The following PPM1B variants were observed in gnomAD, a reference collection of about 807,000 sequenced individuals.
The protein encoded by PPM1B is protein phosphatase 1B.
A neutral mutation model predicts 43.0 loss-of-function variants in PPM1B; 22 were observed. The observed-to-expected ratio is 0.51, with a 90% CI of 0.37 to 0.73. PPM1B has a LOEUF of 0.73. Among genes scored for constraint, PPM1B ranks in the 30% least tolerant of loss-of-function variants. The pLI is 0.00. For missense variants in PPM1B, 632 were observed against 584.2 expected (o/e 1.08, Z -0.84); for synonymous variants, 217 against 197.9 (o/e 1.10, Z -0.81).
At chr2:44,238,008 C>G (rs1334995486), downstream of PPM1B, among the ~76,000 whole-genome samples, 1 of 152,202 alleles carries the variant, frequency 6.6e-6, no homozygotes, top group Non-Finnish European at 1.5e-5. Flanking sequence ...TCAAGCGATT[C>G]TTCTGCCTCA....
intron 1 of PPM1B, among the ~76,000 whole-genome samples, chr2:44,184,648 A>C (rs888932392): frequency 6.6e-6 from 1 of 152,066 alleles, no homozygotes; most frequent in Non-Finnish European, 1.5e-5. Flanking sequence ...CATGTTCAAA[A>C]CTGACTACTT....
At chr2:44,180,470 T>C (rs1180744000) in intron 1 of PPM1B, among the ~76,000 whole-genome samples, 1 of 152,208 alleles carries the variant, frequency 6.6e-6, no homozygotes, top group Non-Finnish European at 1.5e-5. Context: ...CAAGGACTGC[T>C]TGTACTTAGT....
downstream of PPM1B, chr2:44,244,527 TC>T: frequency 2.4e-6 from 1 of 420,434 alleles, no homozygotes. Flanking sequence ...TTGGTTTGAT[TC>T]CAGGGACTCT....
chr2:44,215,799 AT>A (rs899922157), intron 3 of PPM1B, among the ~76,000 whole-genome samples: 11 of 151,644 alleles, frequency 7.3e-5, no homozygotes, highest in South Asian at 2.1e-4. Flanking sequence ...GTAAAAACCT[AT>A]TTTTTTTTAA....
At chr2:44,204,288 T>C (rs1669067678) in intron 2 of PPM1B, among the ~76,000 whole-genome samples, 1 of 152,362 alleles carries the variant, frequency 6.6e-6, no homozygotes, top group East Asian at 1.9e-4. Flanking sequence ...AGATCAAATA[T>C]AATTACTTTG....
At chr2:44,204,756 G>A (rs1228467987) in intron 2 of PPM1B, among the ~76,000 whole-genome samples, 1 of 151,254 alleles carries the variant, frequency 6.6e-6, no homozygotes, top group African/African-American at 2.4e-5. Flanking sequence ...CTACTCAGGA[G>A]GCTGAGGCAG....
Position 44,212,429 on chromosome 2 carries a change from G to A in PPM1B, c.964+3102G>A, listed in dbSNP as rs576717079. On this transcript the variant is annotated intron_variant, in intron 3 of 5. Transcript: ENST00000282412. ...AGCTATGCTTACTGTGGTTAGGCAT[G>A]AATATCCCATTCTGGATCAATTTGT... 8.5e-5 allele frequency among the ~76,000 whole-genome samples: 13 copies of A among 152,248 alleles called. No individual in the cohort carries two copies. In the South Asian group the frequency reaches 2.7e-3, roughly 32 times the overall value.
At chr2:44,235,331 C>CAGTG, downstream of PPM1B, among the ~76,000 whole-genome samples, 1 of 152,194 alleles carries the variant, frequency 6.6e-6, no homozygotes, top group East Asian at 1.9e-4. Context: ...AGGGTAGGCA[C>CAGTG]AGTGATTCAT....
At chr2:44,196,354 T>C (rs1668661636) in intron 1 of PPM1B, among the ~76,000 whole-genome samples, 1 of 152,314 alleles carries the variant, frequency 6.6e-6, no homozygotes, top group Middle Eastern at 3.4e-3. Flanking sequence ...GCTTTTCTTA[T>C]GATTAGACTG....
rs182810329 is a variant in PPM1B, at chr2:44,169,569, C to G, written c.-15+295C>G. On this transcript the variant is annotated intron_variant, in intron 1 of 5. Coordinates refer to ENST00000282412, the MANE Select transcript of PPM1B (RefSeq NM_002706.6). ...CCTGGAAGCTGACTGATTCTCTCTT[C>G]CCTCCGCTTCAGTCTGCAAGCATCT... Among the ~76,000 whole-genome samples the G allele has an allele frequency of 1.6e-3, 239 of 152,372 alleles. 1 individual carries two copies. Among genetic ancestry groups the G allele is most frequent in the African/African-American group, 5.4e-3 (223 of 41,596 alleles).
At chr2:44,199,919 A>G (rs1375303131) in intron 1 of PPM1B, among the ~76,000 whole-genome samples, 2 of 152,162 alleles carry the variant, frequency 1.3e-5, no homozygotes, top group Non-Finnish European at 2.9e-5. Context: ...TTTTATTGTA[A>G]AGTTCAATAA....
chr2:44,208,370 C>T (rs892375196), intron 2 of PPM1B, among the ~76,000 whole-genome samples: 2 of 152,160 alleles, frequency 1.3e-5, no homozygotes, highest in Non-Finnish European at 2.9e-5. Context: ...TCTCAGTTGT[C>T]CAGTTACAGT....
intron 5 of PPM1B, among the ~76,000 whole-genome samples, chr2:44,220,938 G>A (rs947979203): frequency 6.6e-6 from 1 of 152,120 alleles, no homozygotes; most frequent in African/African-American, 2.4e-5. Context: ...CATCTTTTTT[G>A]GCTAAAGCAG....
downstream of PPM1B, among the ~76,000 whole-genome samples, chr2:44,234,829 A>G (rs1423536633): frequency 6.6e-6 from 1 of 152,254 alleles, no homozygotes; most frequent in East Asian, 1.9e-4. Context: ...ATGTTAATAT[A>G]TAAACCATTT....
downstream of PPM1B, chr2:44,233,362 A>G: frequency 1.0e-6 from 1 of 984,198 alleles, no homozygotes; most frequent in Non-Finnish European, 1.2e-6. Flanking sequence ...TGGGCACGGT[A>G]CAGAGTGATT....
intron 1 of PPM1B, among the ~76,000 whole-genome samples, chr2:44,194,313 G>C (rs974204813): frequency 6.6e-6 from 1 of 152,166 alleles, no homozygotes; most frequent in East Asian, 1.9e-4. Context: ...GCATTTTATG[G>C]AGTATTCCTG....
Position 44,230,901 on chromosome 2 carries a change from A to G in PPM1B, c.*183A>G, listed in dbSNP as rs1014365036. 16 of 1,327,698 alleles carry G rather than the reference A, an allele frequency of 1.2e-5. No homozygotes were observed. Among genetic ancestry groups the G allele is most frequent in the South Asian group, 9.0e-5 (5 of 55,326 alleles). 82.2% of individuals were successfully genotyped at this position (1,327,698 alleles called of 1,614,324 possible). ...TTTATGAGATAGTGTAAAATTGACTATTTATAGTACTATGGATTTAATGAA... is the reference window on the plus strand; with the variant it reads ...TTTATGAGATAGTGTAAAATTGACTGTTTATAGTACTATGGATTTAATGAA... On this transcript the variant is annotated 3_prime_UTR_variant, in exon 6 of 6. Transcript: ENST00000282412.
chr2:44,218,219 TAA>T lies in PPM1B; in HGVS notation c.1076+144_1076+145del, dbSNP rs992704250. The T allele has an allele frequency of 9.8e-6, 7 of 711,460 alleles. No individual in the cohort carries two copies. The African/African-American group carries it at 1.3e-4, about 13-fold the overall frequency. 44.1% of individuals were successfully genotyped at this position (711,460 alleles called of 1,614,324 possible). A position where few individuals can be genotyped will look rare whatever the true frequency, so the allele number is the denominator to read the frequency against. On this transcript the variant is annotated intron_variant, in intron 4 of 5. Coordinates refer to ENST00000282412, the MANE Select transcript of PPM1B (RefSeq NM_002706.6). ...GTTTCTTATACTAGAGAAGAACTCTTAAAACTTCAACCAAAAACGATTTTTTA... is the reference window on the plus strand; with the variant it reads ...GTTTCTTATACTAGAGAAGAACTCTTAACTTCAACCAAAAACGATTTTTTA...
chr2:44,232,737 G>C, downstream of PPM1B: 2 of 1,001,936 alleles, frequency 2.0e-6, no homozygotes, highest in Non-Finnish European at 2.4e-6. Context: ...AAGCATGTAA[G>C]AGTAAAGAAT....
Sources: allele counts gnomAD v4.1 joint callset (sites outside exome capture counted in the v4.1 genomes callset), GRCh38; gene constraint gnomAD v4.1.1; transcripts MANE v1.5; gene names NCBI Gene and HGNC (gene_info 2026-07-23, HGNC 2026-07-21).